TENM2: variants seen among roughly 807,000 people sequenced by gnomAD.
The protein encoded by TENM2 is teneurin transmembrane protein 2.
In TENM2, 52 loss-of-function variants were observed where a neutral mutation model predicts 245.2. The ratio of observed to expected loss-of-function variants is 0.21; its 90% confidence interval spans 0.17 to 0.27. The LOEUF is 0.27. Ranked by LOEUF, TENM2 falls within the 10% of genes least tolerant of loss-of-function variation. The pLI is 1.00. For synonymous variants in TENM2, 1,363 were observed against 1,438.9 expected (o/e 0.95, Z 1.19); for missense variants, 3,046 against 3,666.8 (o/e 0.83, Z 4.37).
intron 2 of TENM2, among the ~76,000 whole-genome samples, chr5:167,491,401 C>T (rs912789560): frequency 2.0e-5 from 3 of 152,032 alleles, no homozygotes; most frequent in Non-Finnish European, 4.4e-5. Context: ...AAAGCTTGTT[C>T]TTAACTTTAT....
intron 2 of TENM2, among the ~76,000 whole-genome samples, chr5:167,726,127 G>A (rs958026478): frequency 2.7e-5 from 4 of 147,352 alleles, no homozygotes; most frequent in Admixed American, 7.0e-5. Flanking sequence ...TGCTGGGCAC[G>A]CTGCACGGCA....
the TENM2 span, among the ~76,000 whole-genome samples, chr5:167,272,947 T>C: frequency 6.6e-6 from 1 of 152,098 alleles, no homozygotes; most frequent in Admixed American, 6.6e-5. Context: ...CCTTATTGCA[T>C]CCATTTACAC....
At chr5:167,725,637 T>G (rs1759946843) in intron 2 of TENM2, among the ~76,000 whole-genome samples, 2 of 152,186 alleles carry the variant, frequency 1.3e-5, no homozygotes. Flanking sequence ...TCTTTTTAAA[T>G]GCAAATTGGA....
intron 2 of TENM2, among the ~76,000 whole-genome samples, chr5:167,451,962 T>C (rs1257978100): frequency 1.3e-5 from 2 of 152,126 alleles, no homozygotes; most frequent in African/African-American, 2.4e-5. Context: ...ACTGATTTTT[T>C]AAAAAGGTGG....
chr5:167,920,515 TCACACACA>T (rs58866696), intron 3 of TENM2, among the ~76,000 whole-genome samples: 233 of 129,520 alleles, frequency 1.8e-3, no homozygotes, highest in African/African-American at 4.7e-3. Context: ...CGAAACTCCA[TCACACACA>T]CACACACACA....
intron 1 of TENM2, among the ~76,000 whole-genome samples, chr5:167,295,896 C>T (rs1046013616): frequency 6.6e-6 from 1 of 152,114 alleles, no homozygotes; most frequent in Non-Finnish European, 1.5e-5. Context: ...AGTAATAAAT[C>T]TCTGCTGGGA....
chr5:167,434,329 G>A (rs975685123), intron 2 of TENM2, among the ~76,000 whole-genome samples: 2 of 141,906 alleles, frequency 1.4e-5, no homozygotes, highest in African/African-American at 2.6e-5. Flanking sequence ...TAGGAGAATC[G>A]ATTGAACCCG....
intron 2 of TENM2, among the ~76,000 whole-genome samples, chr5:167,382,287 G>A (rs1761135113): frequency 6.6e-6 from 1 of 152,074 alleles, no homozygotes; most frequent in South Asian, 2.1e-4. Flanking sequence ...ATGGTTTATG[G>A]GGTCTGTAAC....
intron 3 of TENM2, among the ~76,000 whole-genome samples, chr5:167,925,823 G>A (rs1444820435): frequency 1.3e-5 from 2 of 152,190 alleles, no homozygotes; most frequent in East Asian, 3.9e-4. Context: ...TGGAGCTGAA[G>A]GCCATTATCC....
the TENM2 span, among the ~76,000 whole-genome samples, chr5:167,179,128 TA>T: frequency 6.6e-6 from 1 of 152,176 alleles, no homozygotes; most frequent in Non-Finnish European, 1.5e-5. Context: ...CTCAAGGAGT[TA>T]AAAAGGCATT....
intron 3 of TENM2, among the ~76,000 whole-genome samples, chr5:167,887,523 G>GA (rs1190606756): frequency 1.3e-5 from 2 of 152,328 alleles, no homozygotes; most frequent in African/African-American, 2.4e-5. Flanking sequence ...AGAAAGAACA[G>GA]AAAAAATACC....
chr5:167,769,161 A>G (rs1308830742), intron 2 of TENM2, among the ~76,000 whole-genome samples: 2 of 152,172 alleles, frequency 1.3e-5, no homozygotes, highest in East Asian at 1.9e-4. Context: ...GCTCATCTAG[A>G]CAAGTTTATT....
At chr5:167,228,914 AT>A in the TENM2 span, among the ~76,000 whole-genome samples, 1 of 152,096 alleles carries the variant, frequency 6.6e-6, no homozygotes, top group Admixed American at 6.5e-5. Context: ...CATTCACAGG[AT>A]GGTCTCGATC....
intron 5 of TENM2, among the ~76,000 whole-genome samples, chr5:168,038,770 T>C (rs1787925912): frequency 6.6e-6 from 1 of 152,084 alleles, no homozygotes; most frequent in African/African-American, 2.4e-5. Flanking sequence ...CCCTTATACC[T>C]GGTTCCTAAG....
chr5:167,999,621 TG>T (rs1350488542), intron 5 of TENM2, among the ~76,000 whole-genome samples: 35 of 152,348 alleles, frequency 2.3e-4, no homozygotes, highest in African/African-American at 8.4e-4. Context: ...TGAATCCCTC[TG>T]CTTCGGAGGA....
At chr5:167,189,982 A>T in the TENM2 span, among the ~76,000 whole-genome samples, 3 of 152,196 alleles carry the variant, frequency 2.0e-5, no homozygotes, top group South Asian at 6.2e-4. Flanking sequence ...CTTGAAATGA[A>T]CTCATAAAAC....
the TENM2 span, among the ~76,000 whole-genome samples, chr5:167,213,745 A>G: frequency 1.3e-5 from 2 of 152,324 alleles, no homozygotes; most frequent in African/African-American, 4.8e-5. Context: ...TGAGAAAATT[A>G]AAAGTGTATA....
chr5:167,038,351 A>G, the TENM2 span, among the ~76,000 whole-genome samples: 1 of 152,190 alleles, frequency 6.6e-6, no homozygotes, highest in Admixed American at 6.5e-5. Flanking sequence ...AGGGCAACAG[A>G]GCTGGGAACA....
intron 4 of TENM2, among the ~76,000 whole-genome samples, chr5:167,987,649 C>T (rs910051284): frequency 6.6e-6 from 1 of 152,030 alleles, no homozygotes; most frequent in East Asian, 1.9e-4. Context: ...CGATATACTC[C>T]CAGACTCCAC....
Sources: allele counts gnomAD v4.1 joint callset (sites outside exome capture counted in the v4.1 genomes callset), GRCh38; gene constraint gnomAD v4.1.1; transcripts MANE v1.5; gene names NCBI Gene and HGNC (gene_info 2026-07-23, HGNC 2026-07-21).